The following RGS6 variants were observed in gnomAD, a reference collection of about 807,000 sequenced individuals.
RGS6 encodes regulator of G-protein signaling 6.
Under a neutral mutation model 78.5 loss-of-function variants are expected in RGS6, and 30 were observed. The ratio of observed to expected loss-of-function variants is 0.38; its 90% CI spans 0.29 to 0.52. The LOEUF is 0.52. RGS6 is among the 20% of genes least tolerant of loss of function. RGS6 has a pLI of 0.85. For synonymous variants in RGS6, 206 were observed against 206.0 expected (o/e 1.00, Z 0.00); for missense variants, 495 against 609.7 (o/e 0.81, Z 1.98).
intron 2 of RGS6, among the ~76,000 whole-genome samples, chr14:72,086,134 A>C (rs1195076828): frequency 6.6e-6 from 1 of 152,186 alleles, no homozygotes; most frequent in African/African-American, 2.4e-5. Context: ...TGTCTTAGAA[A>C]AGACTCCAGT....
chr14:72,317,831 A>G (rs1318355148), intron 2 of RGS6, among the ~76,000 whole-genome samples: 2 of 152,222 alleles, frequency 1.3e-5, no homozygotes, highest in East Asian at 1.9e-4. Context: ...AGATATATAT[A>G]GAAAGGGGAG....
At chr14:72,116,291 A>G (rs2095882612) in intron 2 of RGS6, among the ~76,000 whole-genome samples, 1 of 152,164 alleles carries the variant, frequency 6.6e-6, no homozygotes, top group African/African-American at 2.4e-5. Context: ...ATGAGCATCT[A>G]CCATGTGGCA....
chr14:72,491,204 G>A (rs1001535414), intron 12 of RGS6, among the ~76,000 whole-genome samples: 1 of 151,756 alleles, frequency 6.6e-6, no homozygotes. Flanking sequence ...ATTGTGGATC[G>A]ATAACCATAA....
At chr14:71,867,599 C>T in the RGS6 span, among the ~76,000 whole-genome samples, 2 of 152,102 alleles carry the variant, frequency 1.3e-5, no homozygotes, top group Non-Finnish European at 2.9e-5. Flanking sequence ...ATCATCTGTA[C>T]AACATGGGAA....
chr14:72,517,357 A>C (rs1330187182), intron 14 of RGS6, among the ~76,000 whole-genome samples: 2 of 152,136 alleles, frequency 1.3e-5, no homozygotes, highest in African/African-American at 4.8e-5. Flanking sequence ...CACAGGGCAA[A>C]GGATATGACA....
At chr14:72,117,041 G>C (rs55959163) in intron 2 of RGS6, among the ~76,000 whole-genome samples, 9,620 of 150,676 alleles carry the variant, frequency 0.064, 331 homozygotes, top group African/African-American at 0.077. Flanking sequence ...GGTTGAGGAA[G>C]CCCTTGCCGA....
intron 2 of RGS6, among the ~76,000 whole-genome samples, chr14:72,141,008 T>G (rs762004293): frequency 3.3e-4 from 50 of 152,246 alleles, no homozygotes; most frequent in Admixed American, 1.3e-4. Context: ...GAACATTGTT[T>G]TACCATTTAC....
chr14:72,007,047 TAAC>T (rs763252542), intron 2 of RGS6, among the ~76,000 whole-genome samples: 1 of 152,068 alleles, frequency 6.6e-6, no homozygotes, highest in African/African-American at 2.4e-5. Flanking sequence ...AAAGAAAAAT[TAAC>T]AACACTGTCA....
chr14:72,167,697 A>C (rs1265243598), intron 2 of RGS6, among the ~76,000 whole-genome samples: 5 of 152,240 alleles, frequency 3.3e-5, no homozygotes, highest in Admixed American at 3.3e-4. Context: ...CTAAAATAGA[A>C]CACTTACTCC....
the RGS6 span, among the ~76,000 whole-genome samples, chr14:72,587,441 T>A: frequency 3.3e-5 from 5 of 151,292 alleles, no homozygotes; most frequent in Non-Finnish European, 7.4e-5. Flanking sequence ...GTCCAGGGGG[T>A]CGCAGCAGTG....
At chr14:72,371,577 C>T (rs1056750171) in intron 3 of RGS6, among the ~76,000 whole-genome samples, 42 of 152,248 alleles carry the variant, frequency 2.8e-4, no homozygotes, top group African/African-American at 1.0e-3. Flanking sequence ...GCCTGACTAA[C>T]ATGGAGAAAC....
intron 3 of RGS6, among the ~76,000 whole-genome samples, chr14:72,440,370 G>C (rs1427086568): frequency 6.6e-6 from 1 of 151,772 alleles, no homozygotes; most frequent in African/African-American, 2.4e-5. Flanking sequence ...AATGGACTTA[G>C]AGAAGCTGAG....
chr14:71,918,155 T>C, the RGS6 span, among the ~76,000 whole-genome samples: 1 of 115,266 alleles, frequency 8.7e-6, no homozygotes, highest in Non-Finnish European at 1.6e-5. Context: ...CACTCCAGCC[T>C]GCTGGGTGAC....
chr14:72,545,795 G>A (rs1010022913), intron 17 of RGS6, among the ~76,000 whole-genome samples: 77 of 152,122 alleles, frequency 5.1e-4, no homozygotes, highest in Non-Finnish European at 1.9e-4. Context: ...GGGTTCACTC[G>A]TCCACGGTGA....
rs760794117 is a variant in RGS6 at position 72,327,440 on chromosome 14, A to G, written c.85-24655A>G. Among the ~76,000 whole-genome samples the G allele has an allele frequency of 2.0e-4, 31 of 152,350 alleles. No individual in the cohort carries two copies. The Middle Eastern group carries it at 0.01, about 50-fold the overall frequency. On this transcript the variant is annotated intron_variant, in intron 2 of 17. Transcript: ENST00000553525. ...GAATTAAAGTAAGCTGCATCTAACT[A>G]TTACAACTTAATAAGGTGCATTATT...
chr14:72,330,712 G>C (rs931378747), intron 2 of RGS6, among the ~76,000 whole-genome samples: 1 of 152,160 alleles, frequency 6.6e-6, no homozygotes, highest in Admixed American at 6.5e-5. Flanking sequence ...ATGCTTGTCA[G>C]AATGAATTCC....
chr14:72,272,094 G>A (rs978997785), intron 2 of RGS6, among the ~76,000 whole-genome samples: 1 of 152,054 alleles, frequency 6.6e-6, no homozygotes, highest in African/African-American at 2.4e-5. Flanking sequence ...CCAAGTTCTG[G>A]GGATTAGGAT....
chr14:72,600,960 AAGG>A, the RGS6 span, among the ~76,000 whole-genome samples: 718 of 146,110 alleles, frequency 4.9e-3, 9 homozygotes, highest in African/African-American at 0.016. Context: ...GGGGGAAGGA[AAGG>A]AGGAGGAGGA....
chr14:71,918,184 C>CAAAAAAAAAAAA, the RGS6 span, among the ~76,000 whole-genome samples: 21 of 33,722 alleles, frequency 6.2e-4, 5 homozygotes, highest in Admixed American at 2.1e-3. Context: ...ACTCCAGTCT[C>CAAAAAAAAAAAA]AAAAAAAAAA....
Sources: gnomAD v4.1 joint callset for allele counts (sites outside exome capture counted in the v4.1 genomes callset) on GRCh38, gnomAD v4.1.1 for gene constraint, MANE v1.5 for transcripts, NCBI Gene and HGNC (gene_info 2026-07-23, HGNC 2026-07-21) for gene names.